Variants in AHCYL2 observed in about 807,000 individuals in gnomAD.
AHCYL2 encodes adenosylhomocysteinase like 2.
Under a neutral mutation model 81.4 loss-of-function variants are expected in AHCYL2, and 28 were observed. That is an observed-to-expected ratio of 0.34 (90% CI 0.25 to 0.47). The LOEUF (loss-of-function observed/expected upper bound fraction) is 0.47, where lower values mean the gene tolerates loss of function less well. Among genes scored for constraint, AHCYL2 ranks in the 20% least tolerant of loss-of-function variants. The probability of loss-of-function intolerance (pLI) is 1.00; values close to 1 mark genes in which losing one functional copy is unlikely to be tolerated. For missense variants in AHCYL2, 551 were observed against 785.1 expected (o/e 0.70, Z 3.56); for synonymous variants, 272 against 290.2 (o/e 0.94, Z 0.64).
intron 1 of AHCYL2, among the ~76,000 whole-genome samples, chr7:129,273,187 C>G (rs1265041075): frequency 1.3e-5 from 2 of 152,090 alleles, no homozygotes; most frequent in Non-Finnish European, 2.9e-5. Context: ...TAGGCATGAG[C>G]CACTGCGCCT....
At chr7:129,233,317 C>T (rs1356742422) in intron 1 of AHCYL2, among the ~76,000 whole-genome samples, 1 of 151,276 alleles carries the variant, frequency 6.6e-6, no homozygotes, top group Non-Finnish European at 1.5e-5. Flanking sequence ...CCTGAGTAGC[C>T]AGAACTACAA....
At chr7:129,270,801 C>T (rs2150728008) in intron 1 of AHCYL2, among the ~76,000 whole-genome samples, 1 of 152,290 alleles carries the variant, frequency 6.6e-6, no homozygotes, top group African/African-American at 2.4e-5. Flanking sequence ...AGAGAAATGT[C>T]AAGGAAGTTT....
intron 1 of AHCYL2, among the ~76,000 whole-genome samples, chr7:129,299,310 C>T (rs1797166433): frequency 7.3e-6 from 1 of 137,646 alleles, no homozygotes; most frequent in Admixed American, 7.5e-5. Flanking sequence ...ACTATCCGGG[C>T]ATAGTGGCTC....
chr7:129,257,458 A>G (rs559795456), intron 1 of AHCYL2, among the ~76,000 whole-genome samples: 3 of 152,130 alleles, frequency 2.0e-5, no homozygotes, highest in South Asian at 2.1e-4. Context: ...GAAGAGAATG[A>G]GGGGTGGAGG....
chr7:129,379,670 C>G lies in AHCYL2; in HGVS notation c.396C>G (p.Phe132Leu). The G allele has an allele frequency of 6.2e-7, 1 of 1,614,048 alleles. No individual in the cohort carries two copies. Among genetic ancestry groups the G allele is most frequent in the Non-Finnish European group, 8.5e-7 (1 of 1,179,976 alleles). ...QIQFADQKQE[F>L]NKRPTKIGRR... Reference sequence around the variant, plus strand: ...AGTTTGCTGACCAGAAGCAAGAATTCAACAAACGTCCCACCAAAATTGGAC... The same window carrying G: ...AGTTTGCTGACCAGAAGCAAGAATTGAACAAACGTCCCACCAAAATTGGAC... Residue 132 changes from phenylalanine to leucine, a missense_variant, in exon 2 of 17, where the codon TTC becomes TTG. By Grantham distance (22) the Phe-to-Leu change is conservative. Transcript: ENST00000325006.
At position 129,424,124 on chromosome 7, in the gene AHCYL2, A is replaced by T. The variant is rs569268025; in HGVS notation, c.1561-750A>T. 7.2e-5 allele frequency among the ~76,000 whole-genome samples: 11 copies of T among 152,008 alleles called. No individual in the cohort carries two copies. The South Asian group carries it at 2.1e-3, about 29-fold the overall frequency. ...AGTTCTTCTACTGTCTGAATCACCAACTCAAAATACAAGGCTGACAATGCT... is the reference window on the plus strand; with the variant it reads ...AGTTCTTCTACTGTCTGAATCACCATCTCAAAATACAAGGCTGACAATGCT... On this transcript the variant is annotated intron_variant, in intron 13 of 16. Transcript: ENST00000325006.
chr7:129,381,475 T>G (rs775315892), intron 2 of AHCYL2, among the ~76,000 whole-genome samples: 1 of 152,236 alleles, frequency 6.6e-6, no homozygotes, highest in Non-Finnish European at 1.5e-5. Flanking sequence ...TTAAACTATA[T>G]GAAATTATCA....
intron 9 of AHCYL2, 90 bp downstream of exon 9, chr7:129,405,989 A>G: frequency 8.6e-7 from 1 of 1,162,694 alleles, no homozygotes; most frequent in East Asian, 2.4e-5. Context: ...ATATGAGTAC[A>G]CCCTTTACCA....
intron 2 of AHCYL2, among the ~76,000 whole-genome samples, chr7:129,387,453 C>A (rs979152952): frequency 6.6e-6 from 1 of 152,226 alleles, no homozygotes; most frequent in African/African-American, 2.4e-5. Context: ...AACACATGAC[C>A]GCTATATTTA....
intron 2 of AHCYL2, among the ~76,000 whole-genome samples, chr7:129,386,629 G>A (rs1795217195): frequency 6.6e-6 from 1 of 152,112 alleles, no homozygotes; most frequent in Non-Finnish European, 1.5e-5. Context: ...GAGTTGGTGT[G>A]GGGAAATGGT....
intron 5 of AHCYL2, among the ~76,000 whole-genome samples, chr7:129,399,957 C>T (rs1041386151): frequency 7.9e-5 from 12 of 152,134 alleles, no homozygotes; most frequent in Non-Finnish European, 1.6e-4. Context: ...AACTCCTAAC[C>T]TCAGGTGATC....
intron 15 of AHCYL2, 99 bp downstream of exon 15, chr7:129,425,240 A>G (rs2150971010): frequency 1.0e-6 from 1 of 993,390 alleles, no homozygotes; most frequent in Non-Finnish European, 1.5e-6. Flanking sequence ...GATGGGGGAA[A>G]AAAGGTACCT....
At chr7:129,267,317 T>G (rs1795849083) in intron 1 of AHCYL2, among the ~76,000 whole-genome samples, 1 of 151,734 alleles carries the variant, frequency 6.6e-6, no homozygotes, top group African/African-American at 2.4e-5. Context: ...TAGGTATTTT[T>G]TTTTGAGACA....
intron 12 of AHCYL2, among the ~76,000 whole-genome samples, chr7:129,416,360 G>A (rs780063145): frequency 1.3e-5 from 2 of 152,144 alleles, no homozygotes; most frequent in Non-Finnish European, 2.9e-5. Context: ...ATATCATAGT[G>A]AGAAGAAAAT....
At chr7:129,373,169 G>A (rs1251987990) in intron 1 of AHCYL2, among the ~76,000 whole-genome samples, 2 of 152,096 alleles carry the variant, frequency 1.3e-5, no homozygotes, top group Admixed American at 6.5e-5. Context: ...CAAAAACTCT[G>A]GTGGTTAAGA....
intron 12 of AHCYL2, among the ~76,000 whole-genome samples, chr7:129,417,781 A>G (rs6958637): frequency 0.21 from 32,644 of 152,206 alleles, 4,149 homozygotes; most frequent in Non-Finnish European, 0.28. Flanking sequence ...GCAAATTTAT[A>G]TTGAATACCT....
intron 1 of AHCYL2, among the ~76,000 whole-genome samples, chr7:129,364,683 C>CT (rs1248281803): frequency 6.6e-6 from 1 of 152,178 alleles, no homozygotes; most frequent in Non-Finnish European, 1.5e-5. Flanking sequence ...CTGAAATATT[C>CT]TAACGGTTGG....
At chr7:129,252,202 C>T (rs942355779) in intron 1 of AHCYL2, among the ~76,000 whole-genome samples, 3 of 152,172 alleles carry the variant, frequency 2.0e-5, no homozygotes, top group Non-Finnish European at 2.9e-5. Context: ...ATTAATTTTT[C>T]AGTTCTTGTA....
chr7:129,409,665 C>A, intron 11 of AHCYL2, 119 bp downstream of exon 11: 2 of 818,880 alleles, frequency 2.4e-6, no homozygotes, highest in Non-Finnish European at 3.9e-6. Flanking sequence ...GATAGTAGCC[C>A]ACAAAGCCAG....
Sources: gnomAD v4.1 joint callset for allele counts (sites outside exome capture counted in the v4.1 genomes callset) on GRCh38, gnomAD v4.1.1 for gene constraint, MANE v1.5 for transcripts, NCBI Gene and HGNC (gene_info 2026-07-23, HGNC 2026-07-21) for gene names.